STX17: variants seen among roughly 807,000 people sequenced by gnomAD.
The protein encoded by STX17 is syntaxin-17.
STX17 carries 29 observed loss-of-function variants against 35.9 expected under a neutral mutation model. The observed-to-expected ratio is 0.81, with a 90% CI of 0.60 to 1.10. STX17 has a LOEUF of 1.10. Ranked by LOEUF, STX17 falls within the 50% of genes least tolerant of loss-of-function variation. The pLI, the probability that STX17 is intolerant of heterozygous loss-of-function variation, is 0.00. For missense variants in STX17, 312 were observed against 352.3 expected (o/e 0.89, Z 0.92); for synonymous variants, 92 against 118.3 (o/e 0.78, Z 1.44).
intron 3 of STX17, among the ~76,000 whole-genome samples, chr9:99,946,281 T>C (rs1343897028): frequency 6.6e-6 from 1 of 152,128 alleles, no homozygotes; most frequent in Non-Finnish European, 1.5e-5. Flanking sequence ...CACCATTTTA[T>C]GTAAGGCTTT....
chr9:99,935,207 G>A (rs1829205304), intron 3 of STX17, among the ~76,000 whole-genome samples: 1 of 151,604 alleles, frequency 6.6e-6, no homozygotes, highest in Non-Finnish European at 1.5e-5. Context: ...GTGGGCACCT[G>A]TAGTCCCAGC....
intron 3 of STX17, among the ~76,000 whole-genome samples, chr9:99,948,405 A>G (rs1350993099): frequency 6.6e-6 from 1 of 152,062 alleles, no homozygotes; most frequent in Non-Finnish European, 1.5e-5. Context: ...TTTAAATTAC[A>G]TATGTGGCTT....
chr9:99,930,291 AGAGTC>A (rs1829092139), intron 3 of STX17, among the ~76,000 whole-genome samples: 1 of 150,818 alleles, frequency 6.6e-6, no homozygotes, highest in Non-Finnish European at 1.5e-5. Context: ...TTTTTGAGAC[AGAGTC>A]GCCCTCTGTC....
Position 99,970,867 on chromosome 9 carries a change from C to G in STX17, c.*2194C>G, listed in dbSNP as rs986295908. On this transcript the variant is annotated 3_prime_UTR_variant, in exon 8 of 8. Coordinates refer to ENST00000259400, the MANE Select transcript of STX17 (RefSeq NM_017919.3). Reference sequence around the variant, plus strand: ...AGGAGGCCTGTATTTGAAGCTCACACTTGGTATTGGTATCTCTCATTTTTA... The same window carrying G: ...AGGAGGCCTGTATTTGAAGCTCACAGTTGGTATTGGTATCTCTCATTTTTA... Among the ~76,000 whole-genome samples, 1 of 152,186 alleles carries G rather than the reference C, an allele frequency of 6.6e-6. No homozygotes were observed. Among genetic ancestry groups the G allele is most frequent in the Non-Finnish European group, 1.5e-5 (1 of 68,038 alleles).
At chr9:99,937,432 A>G (rs1829259165) in intron 3 of STX17, among the ~76,000 whole-genome samples, 1 of 152,002 alleles carries the variant, frequency 6.6e-6, no homozygotes, top group Admixed American at 6.5e-5. Context: ...ATGCTCTTTT[A>G]ATTCTTTTTG....
At chr9:99,934,651 T>TC (rs1829190464) in intron 3 of STX17, among the ~76,000 whole-genome samples, 1 of 152,214 alleles carries the variant, frequency 6.6e-6, no homozygotes, top group African/African-American at 2.4e-5. Flanking sequence ...TTTAAATGTT[T>TC]ACCAGTGGAC....
At chr9:99,950,973 C>G in intron 3 of STX17, 87 bp from the exon 4 acceptor site, 1 of 1,162,224 alleles carries the variant, frequency 8.6e-7, no homozygotes, top group Non-Finnish European at 1.2e-6. Context: ...TTATAATTTC[C>G]ATCCACAACT....
intron 4 of STX17, among the ~76,000 whole-genome samples, chr9:99,957,728 A>G (rs1829738224): frequency 1.4e-5 from 2 of 148,024 alleles, no homozygotes; most frequent in East Asian, 2.0e-4. Context: ...ATCTTGGCTC[A>G]CTGCAACCTC....
intron 3 of STX17, among the ~76,000 whole-genome samples, chr9:99,941,070 A>T (rs557587773): frequency 6.6e-6 from 1 of 152,332 alleles, no homozygotes; most frequent in East Asian, 1.9e-4. Context: ...TGAAAGATGG[A>T]ATGTTTCATA....
Position 99,959,920 on chromosome 9 carries a change from C to T in STX17, c.419C>T (p.Ala140Val). The change falls in exon 5 of 8, where the codon GCA becomes GTA. Residue 140 changes from alanine (A) to valine (V), a missense_variant. Ala to Val is a moderately conservative substitution (Grantham distance 64, BLOSUM62 0). Coordinates refer to ENST00000259400, the MANE Select transcript of STX17 (RefSeq NM_017919.3). Reference protein sequence around the residue: ...PLTRSMTVGGAFHTTEAEASS... With the variant: ...PLTRSMTVGGVFHTTEAEASS... ...TGGGGTTATTATGTTCATCCAGGAG[C>T]ATTTCATACTACTGAAGCTGAAGCT... 1 of 1,601,660 alleles carries T rather than the reference C, an allele frequency of 6.2e-7. No individual in the cohort carries two copies.
intron 6 of STX17, among the ~76,000 whole-genome samples, chr9:99,966,583 A>C (rs576205941): frequency 1.6e-4 from 25 of 152,328 alleles, no homozygotes; most frequent in African/African-American, 6.0e-4. Flanking sequence ...ATCTAGGATC[A>C]AAGAGAGATT....
intron 2 of STX17, among the ~76,000 whole-genome samples, chr9:99,920,006 G>A (rs1313270998): frequency 6.6e-6 from 1 of 152,140 alleles, no homozygotes; most frequent in African/African-American, 2.4e-5. Context: ...TCTTTTTAGT[G>A]TGTGAATATC....
chr9:99,948,795 A>G (rs1213402091), intron 3 of STX17, among the ~76,000 whole-genome samples: 1 of 152,102 alleles, frequency 6.6e-6, no homozygotes, highest in Non-Finnish European at 1.5e-5. Context: ...CATTACTCAT[A>G]GTAATAGAGT....
At chr9:99,935,449 A>G (rs778969659) in intron 3 of STX17, among the ~76,000 whole-genome samples, 1 of 151,984 alleles carries the variant, frequency 6.6e-6, no homozygotes, top group Non-Finnish European at 1.5e-5. Flanking sequence ...GTGATTATAG[A>G]CCCCTTGATT....
At chr9:99,958,444 T>C (rs758580057) in intron 4 of STX17, among the ~76,000 whole-genome samples, 1 of 152,218 alleles carries the variant, frequency 6.6e-6, no homozygotes, top group Non-Finnish European at 1.5e-5. Flanking sequence ...TAAGATCTGT[T>C]AACAATAGCA....
Position 99,971,588 on chromosome 9 carries a change from CAAGT to C in STX17, c.*2919_*2922del, listed in dbSNP as rs765744278. 7.9e-4 allele frequency among the ~76,000 whole-genome samples: 120 copies of C among 151,860 alleles called. No homozygotes were observed. Among genetic ancestry groups the C allele is most frequent in the Admixed American group, 2.1e-3 (32 of 15,188 alleles). ...GCCAGGCACTTCACCAGGCATTTTA[CAAGT>C]AAGGAAACTGGGCTTCAGAGAAAAT... is the stretch of plus-strand genomic sequence containing the variant. On this transcript the variant is annotated 3_prime_UTR_variant, in exon 8 of 8. Coordinates refer to ENST00000259400, the MANE Select transcript of STX17 (RefSeq NM_017919.3).
rs919577093 is a variant in STX17, at chr9:99,971,389, C to T, written c.*2716C>T. On this transcript the variant is annotated 3_prime_UTR_variant, in exon 8 of 8. Coordinates refer to ENST00000259400, the MANE Select transcript of STX17 (RefSeq NM_017919.3). ...CAGTAAAAAACGCATTTATATCAAA[C>T]CTTAGAATATGTTTAATGAACAATA... Among the ~76,000 whole-genome samples, 1 of 151,474 alleles carries T rather than the reference C, an allele frequency of 6.6e-6. No individual in the cohort carries two copies. Among genetic ancestry groups the T allele is most frequent in the African/African-American group, 2.4e-5 (1 of 41,202 alleles).
intron 7 of STX17, 144 bp from the exon 8 acceptor site, chr9:99,968,290 C>A: frequency 9.9e-7 from 1 of 1,006,446 alleles, no homozygotes; most frequent in Non-Finnish European, 1.4e-6. Context: ...ACTTTCTTTT[C>A]CCCCCTACAA....
At chr9:99,933,318 A>T (rs1829163421) in intron 3 of STX17, among the ~76,000 whole-genome samples, 1 of 152,160 alleles carries the variant, frequency 6.6e-6, no homozygotes, top group Non-Finnish European at 1.5e-5. Context: ...CACTGTCTTA[A>T]TTATGACAGT....
Sources: gnomAD v4.1 joint callset for allele counts (sites outside exome capture counted in the v4.1 genomes callset) on GRCh38, gnomAD v4.1.1 for gene constraint, MANE v1.5 for transcripts, NCBI Gene and HGNC (gene_info 2026-07-23, HGNC 2026-07-21) for gene names.